The following AGMAT variants were observed in gnomAD, a reference collection of about 807,000 sequenced individuals.
The protein encoded by AGMAT is guanidino acid hydrolase, mitochondrial.
In AGMAT, 37 loss-of-function variants were observed where a neutral mutation model predicts 29.3. The ratio of observed to expected loss-of-function variants is 1.26; its 90% CI spans 0.97 to 1.66. AGMAT has a LOEUF of 1.66. AGMAT is among the 40% of genes most tolerant of loss of function. The pLI is 0.00. For synonymous variants in AGMAT, 199 were observed against 200.8 expected (o/e 0.99, Z 0.08); for missense variants, 498 against 497.8 (o/e 1.00, Z 0.00).
At position 15,573,447 on chromosome 1, in the gene AGMAT, T is replaced by G. The variant is rs1022279224; in HGVS notation, c.*204A>C. On this transcript the variant is annotated 3_prime_UTR_variant, in exon 7 of 7. Coordinates refer to ENST00000375826, the MANE Select transcript of AGMAT (RefSeq NM_024758.5). ...AAGCAGTACAAGTACTCCTTTTTTTTTCCCCCAATTAATCCAAGTTCCTTA... is the reference window on the plus strand; with the variant it reads ...AAGCAGTACAAGTACTCCTTTTTTTGTCCCCCAATTAATCCAAGTTCCTTA... 2 of 531,698 alleles carry G rather than the reference T, an allele frequency of 3.8e-6. No homozygotes were observed. The highest frequency in any genetic ancestry group is 3.8e-5 in the African/African-American group (2 of 52,556). The allele number at this position is 531,698 out of a possible 1,614,324, so 32.9% of individuals were successfully genotyped here. A position where few individuals can be genotyped will look rare whatever the true frequency, so the allele number is the denominator to read the frequency against.
At chr1:15,584,440 G>T (rs370843540) in intron 1 of AGMAT, among the ~76,000 whole-genome samples, 7 of 152,022 alleles carry the variant, frequency 4.6e-5, no homozygotes, top group Admixed American at 3.9e-4. Context: ...ATGAGCCACC[G>T]GGCCGGCCAA....
At chr1:15,574,730 T>A (rs1275078983) in intron 6 of AGMAT, 27 bp downstream of exon 6, 1 of 1,596,846 alleles carries the variant, frequency 6.3e-7, no homozygotes. Context: ...CGGCTGCCCA[T>A]GGATCTCAGT....
intron 1 of AGMAT, 52 bp downstream of exon 1, chr1:15,584,644 G>A: frequency 7.9e-7 from 1 of 1,261,902 alleles, no homozygotes. Context: ...ATGCCCGACA[G>A]CCAGCAAGCA....
intron 2 of AGMAT, among the ~76,000 whole-genome samples, chr1:15,580,502 G>C (rs1355293766): frequency 6.6e-6 from 1 of 151,698 alleles, no homozygotes. Flanking sequence ...ACCATGCCCA[G>C]CTGAATAATC....
At position 15,584,716 on chromosome 1, in the gene AGMAT, G is replaced by A. The variant is rs1195869122; in HGVS notation, c.252C>T (p.Thr84=). The A allele has an allele frequency of 3.0e-6, 4 of 1,333,472 alleles. No homozygotes were observed. In the African/African-American group the frequency reaches 6.0e-5, roughly 20 times the overall value. 82.6% of individuals were successfully genotyped at this position (1,333,472 alleles called of 1,614,324 possible). The change falls in exon 1 of 7, where the codon ACC becomes ACT. Residue 84 remains threonine (T), a synonymous_variant. Transcript: ENST00000375826. ...AFIGVPLDTG[T]SNRPGARFGP... ...CTTACCTCGCCCCAGGCCGGTTGGA[G>A]GTCCCAGTATCCAGGGGCACCCCGA...
rs11587541 is a variant in AGMAT, at chr1:15,572,983, T to C, written c.*668A>G. On this transcript the variant is annotated 3_prime_UTR_variant, in exon 7 of 7. Coordinates refer to ENST00000375826, the MANE Select transcript of AGMAT (RefSeq NM_024758.5). ...ATCAAAATTTTAAAAAGCGGCTGGG[T>C]GCGGTGGCTCATGCCTGTAATCCCA... 0.29 allele frequency: 43,810 copies of C among 151,648 alleles called. 7,435 individuals are homozygous for C. The highest frequency in any genetic ancestry group is 0.47 in the African/African-American group (19,229 of 41,280). The allele number at this position is 151,648 out of a possible 1,614,324, so 9.4% of individuals were successfully genotyped here.
intron 3 of AGMAT, 113 bp downstream of exon 3, chr1:15,579,981 C>T: frequency 3.2e-6 from 3 of 929,068 alleles, no homozygotes; most frequent in Non-Finnish European, 5.3e-6. Context: ...TCCCCAGAAG[C>T]AGCTCATAAC....
At chr1:15,583,689 G>T (rs1314522550) in intron 1 of AGMAT, among the ~76,000 whole-genome samples, 1 of 152,110 alleles carries the variant, frequency 6.6e-6, no homozygotes, top group African/African-American at 2.4e-5. Context: ...CTAAATAAGT[G>T]TACTAAATGG....
At chr1:15,582,325 C>T (rs1639126842) in intron 2 of AGMAT, among the ~76,000 whole-genome samples, 1 of 151,566 alleles carries the variant, frequency 6.6e-6, no homozygotes, top group African/African-American at 2.4e-5. Context: ...TTCATGTGCA[C>T]TTTCATTATA....
At chr1:15,583,721 A>G (rs1639147104) in intron 1 of AGMAT, among the ~76,000 whole-genome samples, 1 of 152,198 alleles carries the variant, frequency 6.6e-6, no homozygotes, top group Non-Finnish European at 1.5e-5. Flanking sequence ...TTCATGATCT[A>G]CCTGAGTCTC....
chr1:15,577,473 T>C (rs999030483), intron 5 of AGMAT, among the ~76,000 whole-genome samples: 18 of 152,162 alleles, frequency 1.2e-4, no homozygotes, highest in African/African-American at 4.3e-4. Context: ...CTCAGGAGGC[T>C]GAGGCAGGAG....
chr1:15,574,827 G>A lies in AGMAT; in HGVS notation c.915C>T (p.Ile305=). The A allele has an allele frequency of 1.2e-6, 2 of 1,613,806 alleles. No individual in the cohort carries two copies. Among genetic ancestry groups the A allele is most frequent in the Non-Finnish European group, 1.7e-6 (2 of 1,179,740 alleles). Residue 305 remains isoleucine, a synonymous_variant, in exon 6 of 7, where the codon ATC becomes ATT. Coordinates refer to ENST00000375826, the MANE Select transcript of AGMAT (RefSeq NM_024758.5). The stretch of plus-strand genomic sequence containing the variant: ...TCACGTTCAGGCCTTGACAACCCCT[G>A]ATGATCTCCAGAGCCTATTCAAGAT... ...GLTPSQALEI[I]RGCQGLNVMG... is the part of the protein sequence containing the mutation.
rs6429757 is a variant in AGMAT, at chr1:15,583,355, C to G, written c.313G>C (p.Gly105Arg). 915,854 of 1,613,286 alleles carry G rather than the reference C, an allele frequency of 0.57. 266,065 individuals carry two copies. The highest frequency in any genetic ancestry group is 0.86 in the African/African-American group (64,565 of 75,006). ...RRIREESVML[G>R]TVNPSTGALP... is the part of the protein sequence containing the mutation. ...GCCCCCGTGCTAGGATTGACTGTCC[C>G]AAGCATCACTGATTCTTCCCGGATG... The change falls in exon 2 of 7, where the codon GGG becomes CGG. Residue 105 changes from glycine to arginine, a missense_variant. Physicochemically the swap from Gly to Arg is moderately radical, Grantham distance 125. Coordinates refer to ENST00000375826, the MANE Select transcript of AGMAT (RefSeq NM_024758.5).
Position 15,578,868 on chromosome 1 carries a change from G to T in AGMAT, c.711C>A (p.Asn237Lys), listed in dbSNP as rs41270259. 9,025 of 1,613,880 alleles carry T rather than the reference G, an allele frequency of 5.6e-3. 30 individuals are homozygous for T. Among genetic ancestry groups the T allele is most frequent in the Non-Finnish European group, 6.8e-3 (8,025 of 1,179,852 alleles). ...GCATTCGGTCTGTCACCTGGCTCCG[G>T]TTGTATCTGTAGGGATCCAAGGTCG... ...SSTTLDPYRY[N>K]RSQGFRVVLA... The change falls in exon 4 of 7, where the codon AAC becomes AAA. Residue 237 changes from asparagine to lysine, a missense_variant. Coordinates refer to ENST00000375826, the MANE Select transcript of AGMAT (RefSeq NM_024758.5).
intron 3 of AGMAT, 126 bp from the exon 4 acceptor site, chr1:15,579,180 G>A (rs1345301602): frequency 1.2e-6 from 1 of 828,952 alleles, no homozygotes; most frequent in Non-Finnish European, 1.9e-6. Flanking sequence ...TCCGTTTTCT[G>A]CCTTGCAACT....
Position 15,571,838 on chromosome 1 carries a change from C to T in AGMAT, c.*1813G>A, listed in dbSNP as rs1450148369. On this transcript the variant is annotated 3_prime_UTR_variant, in exon 7 of 7. Coordinates refer to ENST00000375826, the MANE Select transcript of AGMAT (RefSeq NM_024758.5). ...CAAGACACGCTTAAGATCACCACAG[C>T]ATAACTGCAGATTTCAGGAATTACA... 1 of 152,126 alleles carries T rather than the reference C, an allele frequency of 6.6e-6. No individual in the cohort carries two copies. Among genetic ancestry groups the T allele is most frequent in the East Asian group, 1.9e-4 (1 of 5,186 alleles). 9.4% of individuals were successfully genotyped at this position (152,126 alleles called of 1,614,324 possible).
chr1:15,583,354 C>T lies in AGMAT; in HGVS notation c.314G>A (p.Gly105Glu), dbSNP rs1639142285. 1.9e-6 allele frequency: 3 copies of T among 1,614,088 alleles called. No homozygotes were observed. The highest frequency in any genetic ancestry group is 2.5e-6 in the Non-Finnish European group (3 of 1,180,006). Residue 105 changes from glycine to glutamate, a missense_variant, in exon 2 of 7, where the codon GGG becomes GAG. Physicochemically the swap from Gly to Glu is moderately conservative, Grantham distance 98 (BLOSUM62 -2). Coordinates refer to ENST00000375826, the MANE Select transcript of AGMAT (RefSeq NM_024758.5). ...RRIREESVML[G>E]TVNPSTGALP... ...GGCCCCCGTGCTAGGATTGACTGTCCCAAGCATCACTGATTCTTCCCGGAT... is the reference window on the plus strand; with the variant it reads ...GGCCCCCGTGCTAGGATTGACTGTCTCAAGCATCACTGATTCTTCCCGGAT...
chr1:15,574,865 G>A (rs771691498), intron 5 of AGMAT, 24 bp from the exon 6 acceptor site: 1 of 1,583,356 alleles, frequency 6.3e-7, no homozygotes, highest in South Asian at 1.1e-5. Flanking sequence ...AGACTGAGTT[G>A]TCCACAGTGG....
intron 5 of AGMAT, chr1:15,575,794 C>G (rs1639030249): frequency 6.6e-6 from 1 of 150,684 alleles, no homozygotes; most frequent in South Asian, 2.1e-4. Context: ...TCTCTGTCAC[C>G]CGGGCTATAG....
Sources: gnomAD v4.1 joint callset for allele counts (sites outside exome capture counted in the v4.1 genomes callset) on GRCh38, gnomAD v4.1.1 for gene constraint, MANE v1.5 for transcripts, NCBI Gene and HGNC (gene_info 2026-07-23, HGNC 2026-07-21) for gene names.